CACNG3: variants seen among roughly 807,000 people sequenced by gnomAD.
CACNG3 encodes calcium voltage-gated channel auxiliary subunit gamma 3.
A neutral mutation model predicts 28.5 loss-of-function variants in CACNG3; 3 were observed. The ratio of observed to expected loss-of-function variants is 0.11; its 90% CI spans 0.05 to 0.27. CACNG3 has a LOEUF of 0.27. CACNG3 is among the 10% of genes least tolerant of loss of function. CACNG3 has a pLI of 1.00. For synonymous variants in CACNG3, 174 were observed against 162.2 expected, an observed-to-expected ratio of 1.07 and a Z score of -0.55; for missense variants, 236 against 414.4, an observed-to-expected ratio of 0.57 and a Z score of 3.74.
chr16:24,319,580 G>A (rs183283170), intron 1 of CACNG3, among the ~76,000 whole-genome samples: 159 of 150,520 alleles, frequency 1.1e-3, no homozygotes, highest in African/African-American at 3.8e-3. Flanking sequence ...ATAGGCATGT[G>A]CCATGCCTGG....
chr16:24,257,090 G>A lies in CACNG3; in HGVS notation c.211+125G>A. On this transcript the variant is annotated intron_variant, in intron 1 of 3. Transcript: ENST00000005284. ...TTCAAATTATTGCTGAGAATGTGCA[G>A]GTGCCCAGACTCTGTTAACAGCAAG... The A allele has an allele frequency of 4.4e-6, 3 of 676,594 alleles. No homozygotes were observed. The South Asian group carries it at 5.4e-5, about 12-fold the overall frequency. 41.9% of individuals were successfully genotyped at this position (676,594 alleles called of 1,614,324 possible). A position where few individuals can be genotyped will look rare whatever the true frequency, so the allele number is the denominator to read the frequency against.
intron 1 of CACNG3, among the ~76,000 whole-genome samples, chr16:24,319,951 AG>A (rs1899434708): frequency 6.6e-6 from 1 of 152,058 alleles, no homozygotes; most frequent in Non-Finnish European, 1.5e-5. Context: ...TTGCATTTTT[AG>A]TAGAGATGGG....
chr16:24,357,286 A>G (rs1372747659), intron 3 of CACNG3, among the ~76,000 whole-genome samples: 3 of 151,004 alleles, frequency 2.0e-5, no homozygotes, highest in Non-Finnish European at 4.4e-5. Context: ...ATTCATTACC[A>G]CAAGAACAGT....
At chr16:24,321,203 C>G (rs1429570086) in intron 1 of CACNG3, among the ~76,000 whole-genome samples, 1 of 152,122 alleles carries the variant, frequency 6.6e-6, no homozygotes, top group South Asian at 2.1e-4. Context: ...CAGTGGCTCA[C>G]GCCTTTGTGT....
chr16:24,318,432 T>G (rs1039455017), intron 1 of CACNG3, among the ~76,000 whole-genome samples: 1 of 152,204 alleles, frequency 6.6e-6, no homozygotes, highest in African/African-American at 2.4e-5. Context: ...CCTCAGGTGA[T>G]TCTCCCACCT....
intron 1 of CACNG3, among the ~76,000 whole-genome samples, chr16:24,266,748 T>C (rs1898613906): frequency 6.6e-6 from 1 of 152,150 alleles, no homozygotes; most frequent in African/African-American, 2.4e-5. Context: ...AAGAGAGCTC[T>C]CTGCAAGGCA....
At chr16:24,294,699 C>T (rs1207258858) in intron 1 of CACNG3, among the ~76,000 whole-genome samples, 2 of 151,950 alleles carry the variant, frequency 1.3e-5, no homozygotes, top group East Asian at 3.9e-4. Context: ...CTGTACCCAG[C>T]ACAAATAAGA....
At chr16:24,354,741 C>T in intron 2 of CACNG3, 92 bp from the exon 3 acceptor site, 1 of 1,292,232 alleles carries the variant, frequency 7.7e-7, no homozygotes, top group South Asian at 1.4e-5. Flanking sequence ...TCTTCCTGTG[C>T]TGCCTTCCTC....
chr16:24,351,497 G>A (rs1021326262), intron 2 of CACNG3, among the ~76,000 whole-genome samples: 1 of 151,248 alleles, frequency 6.6e-6, no homozygotes, highest in African/African-American at 2.4e-5. Flanking sequence ...GCTTGAACTC[G>A]GGTGGTGGAG....
chr16:24,262,070 A>C (rs1410841037), intron 1 of CACNG3, among the ~76,000 whole-genome samples: 1 of 152,182 alleles, frequency 6.6e-6, no homozygotes, highest in African/African-American at 2.4e-5. Context: ...TGGAATCTGT[A>C]AGGACAGGGA....
At chr16:24,277,021 A>G (rs1031588785) in intron 1 of CACNG3, among the ~76,000 whole-genome samples, 6 of 152,228 alleles carry the variant, frequency 3.9e-5, no homozygotes, top group Non-Finnish European at 8.8e-5. Context: ...ACAAACATTT[A>G]TCTTGGCCAG....
chr16:24,302,358 C>A (rs1181065922), intron 1 of CACNG3, among the ~76,000 whole-genome samples: 3 of 152,234 alleles, frequency 2.0e-5, no homozygotes, highest in Admixed American at 1.3e-4. Context: ...TATACAGCGT[C>A]CCCTGGGAGT....
intron 1 of CACNG3, among the ~76,000 whole-genome samples, chr16:24,293,502 G>C (rs947725986): frequency 6.6e-6 from 1 of 152,206 alleles, no homozygotes; most frequent in East Asian, 1.9e-4. Context: ...AGGGCCCTCA[G>C]TTCTCCCATC....
chr16:24,291,185 G>T (rs1158161027), intron 1 of CACNG3, among the ~76,000 whole-genome samples: 3 of 152,180 alleles, frequency 2.0e-5, no homozygotes, highest in Non-Finnish European at 4.4e-5. Flanking sequence ...CTTAGTTTTG[G>T]CACATAGTTA....
intron 1 of CACNG3, among the ~76,000 whole-genome samples, chr16:24,311,437 A>C (rs1019020562): frequency 1.3e-5 from 2 of 151,952 alleles, no homozygotes; most frequent in Non-Finnish European, 2.9e-5. Context: ...TGAACCTGGG[A>C]GGCAGAAGTT....
intron 2 of CACNG3, 54 bp downstream of exon 2, chr16:24,346,871 A>G: frequency 1.4e-6 from 2 of 1,382,514 alleles, no homozygotes; most frequent in South Asian, 2.3e-5. Context: ...GGCCTCTGCC[A>G]TCACTCAGCT....
At chr16:24,290,705 C>T (rs1198758156) in intron 1 of CACNG3, among the ~76,000 whole-genome samples, 4 of 152,270 alleles carry the variant, frequency 2.6e-5, no homozygotes, top group South Asian at 2.1e-4. Flanking sequence ...TCCCAAAGTG[C>T]TGGGATTACA....
intron 1 of CACNG3, among the ~76,000 whole-genome samples, chr16:24,308,909 A>G (rs971072198): frequency 4.6e-5 from 7 of 151,614 alleles, no homozygotes; most frequent in African/African-American, 1.7e-4. Flanking sequence ...TATTATCATT[A>G]GTAAAAGTGA....
In CACNG3 at chr16:24,361,765, C is replaced by A. The variant is rs555623613; in HGVS notation, c.850C>A (p.Arg284=). 22 of 1,614,018 alleles carry A rather than the reference C, an allele frequency of 1.4e-5. No individual in the cohort carries two copies. The South Asian group carries it at 1.4e-4, about 10-fold the overall frequency. Residue 284 remains arginine (R), a synonymous_variant, in exon 4 of 4, where the codon CGG becomes AGG. Transcript: ENST00000005284. The surrounding 1 kb of genome is among the most constrained non-coding windows in gnomAD (Gnocchi z 6.8). Reference sequence around the variant, plus strand: ...CATGGGGACCCTCCTCAACTCCGACCGGGACCACGCTTTTCTACAGTTCCA... The same window carrying A: ...CATGGGGACCCTCCTCAACTCCGACAGGGACCACGCTTTTCTACAGTTCCA... ...ITMGTLLNSD[R]DHAFLQFHNS...
Sources: gnomAD v4.1 joint callset for allele counts (sites outside exome capture counted in the v4.1 genomes callset) on GRCh38, gnomAD v4.1.1 for gene constraint, Gnocchi (gnomAD v3.1) non-coding constraint, MANE v1.5 for transcripts, NCBI Gene and HGNC (gene_info 2026-07-23, HGNC 2026-07-21) for gene names.